Variants in CSMD1 observed in about 807,000 individuals in gnomAD.
CSMD1 encodes CUB and Sushi multiple domains 1, also known as CUB and sushi domain-containing protein 1.
Under a neutral mutation model 417.5 loss-of-function variants are expected in CSMD1, and 213 were observed. The ratio of observed to expected loss-of-function variants is 0.51; its 90% confidence interval spans 0.46 to 0.57. The LOEUF (loss-of-function observed/expected upper bound fraction) is 0.57. Among genes scored for constraint, CSMD1 ranks in the 20% least tolerant of loss-of-function variants. The pLI is 0.00. For synonymous variants in CSMD1, 2,862 were observed against 1,736.8 expected (o/e 1.65, Z -16.11); for missense variants, 6,923 against 4,529.7 (o/e 1.53, Z -15.17).
chr8:3,655,659 GTT>G (rs11293138), intron 7 of CSMD1, among the ~76,000 whole-genome samples: 3,514 of 139,358 alleles, frequency 0.025, 174 homozygotes, highest in East Asian at 0.15. Context: ...TGGAGGTTGC[GTT>G]TTTTTTTTTT....
At chr8:4,321,058 A>T (rs549839647) in intron 3 of CSMD1, among the ~76,000 whole-genome samples, 1 of 152,046 alleles carries the variant, frequency 6.6e-6, no homozygotes. Context: ...TTACACACAG[A>T]TCTCTTATGA....
intron 25 of CSMD1, among the ~76,000 whole-genome samples, chr8:3,306,059 T>TTCTTGCTCCTTTTA (rs1804814648): frequency 6.6e-6 from 1 of 152,182 alleles, no homozygotes; most frequent in Non-Finnish European, 1.5e-5. Flanking sequence ...TTAATTGTTG[T>TTCTTGCTCCTTTTA]TCTTGCTCCT....
chr8:3,952,281 C>G (rs980470676), intron 5 of CSMD1, among the ~76,000 whole-genome samples: 5 of 152,114 alleles, frequency 3.3e-5, no homozygotes, highest in East Asian at 1.9e-4. Flanking sequence ...GTAAATACTT[C>G]TAGAGGCTAC....
At chr8:3,796,863 T>A (rs191119894) in intron 5 of CSMD1, among the ~76,000 whole-genome samples, 65 of 151,762 alleles carry the variant, frequency 4.3e-4, no homozygotes, top group African/African-American at 1.4e-3. Flanking sequence ...TTTCATTCTA[T>A]TGTTTCTACA....
intron 5 of CSMD1, among the ~76,000 whole-genome samples, chr8:3,897,573 TAA>T (rs957093932): frequency 2.8e-5 from 4 of 143,438 alleles, no homozygotes. Context: ...ACTACCTCAG[TAA>T]AAAAAAAAAG....
intron 2 of CSMD1, among the ~76,000 whole-genome samples, chr8:4,456,399 C>T (rs1406544201): frequency 6.6e-6 from 1 of 152,090 alleles, no homozygotes; most frequent in Admixed American, 6.5e-5. Flanking sequence ...GTATCAAAGA[C>T]AAGATATCGA....
chr8:3,932,853 T>C lies in CSMD1; in HGVS notation c.818+65050A>G, dbSNP rs113487317. 5.1e-3 allele frequency among the ~76,000 whole-genome samples: 774 copies of C among 150,636 alleles called. 50 individuals carry two copies. Among genetic ancestry groups the C allele is most frequent in the African/African-American group, 0.018 (742 of 40,950 alleles). Reference sequence around the variant, plus strand: ...TTTTTTATGCTATTGTTATTAGATTTCACTATTGTGTAAAGTTAAATGTTT... The same window carrying C: ...TTTTTTATGCTATTGTTATTAGATTCCACTATTGTGTAAAGTTAAATGTTT... On this transcript the variant is annotated intron_variant, in intron 5 of 69. Transcript: ENST00000635120.
At chr8:3,574,737 G>A (rs1048457059) in intron 10 of CSMD1, among the ~76,000 whole-genome samples, 1 of 152,150 alleles carries the variant, frequency 6.6e-6, no homozygotes, top group African/African-American at 2.4e-5. Context: ...GCACTAAATG[G>A]CACCACAGTG....
chr8:3,310,009 C>A (rs1237743459), intron 23 of CSMD1, among the ~76,000 whole-genome samples: 1 of 152,130 alleles, frequency 6.6e-6, no homozygotes, highest in Non-Finnish European at 1.5e-5. Flanking sequence ...ATTTAAGAGA[C>A]ACCAATAATT....
rs374753194 is a variant in CSMD1, at chr8:3,468,841, T to C, written c.1449-17A>G. On this transcript the variant is annotated splice_polypyrimidine_tract_variant and intron_variant, in intron 11 of 69. Coordinates refer to ENST00000635120, the MANE Select transcript of CSMD1 (RefSeq NM_033225.6). ...CCCGTGAGCCTGCAAGAAAGAGAAA[T>C]GTCAAAGCTTTTAGGTAAGGCAACA... 2.9e-5 allele frequency: 44 copies of C among 1,543,236 alleles called. No individual in the cohort carries two copies. The highest frequency in any genetic ancestry group is 6.8e-5 in the African/African-American group (5 of 73,482).
chr8:3,205,640 A>G lies in CSMD1; in HGVS notation c.4868-20T>C. Reference sequence around the variant, plus strand: ...AGGGAGCTGAAAATAAAATCAACCGAGAATTAGTCGCTGTGCAATAATAGC... The same window carrying G: ...AGGGAGCTGAAAATAAAATCAACCGGGAATTAGTCGCTGTGCAATAATAGC... On this transcript the variant is annotated intron_variant, in intron 30 of 69. Transcript: ENST00000635120. 1 of 1,263,064 alleles carries G rather than the reference A, an allele frequency of 7.9e-7. No individual in the cohort carries two copies. Among genetic ancestry groups the G allele is most frequent in the South Asian group, 1.3e-5 (1 of 76,564 alleles). The allele number at this position is 1,263,064 out of a possible 1,614,324, so 78.2% of individuals were successfully genotyped here.
At chr8:4,354,069 A>C (rs910659170) in intron 3 of CSMD1, among the ~76,000 whole-genome samples, 1 of 152,190 alleles carries the variant, frequency 6.6e-6, no homozygotes, top group African/African-American at 2.4e-5. Context: ...ATCATTTCAG[A>C]AATCTGCATG....
intron 26 of CSMD1, among the ~76,000 whole-genome samples, chr8:3,272,961 A>C (rs936157985): frequency 1.3e-5 from 2 of 150,016 alleles, no homozygotes; most frequent in African/African-American, 4.9e-5. Context: ...AGAACTTCCA[A>C]CACTATGTTG....
intron 5 of CSMD1, among the ~76,000 whole-genome samples, chr8:3,787,571 A>C (rs915041177): frequency 7.9e-5 from 12 of 152,190 alleles, no homozygotes; most frequent in African/African-American, 2.9e-4. Context: ...CAGATTTTCC[A>C]GGTACCTTAA....
intron 17 of CSMD1, among the ~76,000 whole-genome samples, chr8:3,388,156 T>C (rs771839382): frequency 6.5e-4 from 99 of 152,324 alleles, no homozygotes; most frequent in Middle Eastern, 6.8e-3. Flanking sequence ...TATACACATA[T>C]AATGCAATTA....
intron 1 of CSMD1, among the ~76,000 whole-genome samples, chr8:4,909,169 C>G (rs113347083): frequency 0.02 from 3,086 of 152,214 alleles, 101 homozygotes; most frequent in African/African-American, 0.068. Context: ...GCAGGGCCTT[C>G]TGCTGTAATC....
chr8:4,643,823 C>A (rs1016202461), intron 1 of CSMD1, among the ~76,000 whole-genome samples: 36 of 152,244 alleles, frequency 2.4e-4, no homozygotes, highest in African/African-American at 8.7e-4. Flanking sequence ...TTTAAAGTGC[C>A]GTTCCGGGGA....
intron 1 of CSMD1, among the ~76,000 whole-genome samples, chr8:4,935,945 T>C (rs1007618736): frequency 1.3e-5 from 2 of 152,208 alleles, no homozygotes; most frequent in South Asian, 2.1e-4. Flanking sequence ...TCAGAACAGT[T>C]AGTACTTACA....
chr8:3,265,311 T>C (rs776907164), intron 26 of CSMD1, among the ~76,000 whole-genome samples: 1 of 152,128 alleles, frequency 6.6e-6, no homozygotes, highest in Non-Finnish European at 1.5e-5. Flanking sequence ...AACGCAGAAA[T>C]CAGTGCGAAG....
Sources: gnomAD v4.1 joint callset for allele counts (sites outside exome capture counted in the v4.1 genomes callset) on GRCh38, gnomAD v4.1.1 for gene constraint, MANE v1.5 for transcripts, NCBI Gene and HGNC (gene_info 2026-07-23, HGNC 2026-07-21) for gene names.